QRFP: variants seen among roughly 807,000 people sequenced by gnomAD.
The protein encoded by QRFP is orexigenic neuropeptide QRFP.
A neutral mutation model predicts 9.1 loss-of-function variants in QRFP; 7 were observed. The ratio of observed to expected loss-of-function variants is 0.77; its 90% CI spans 0.44 to 1.45. The LOEUF is 1.45. QRFP is among the 40% of genes most tolerant of loss of function. The pLI is 0.01. For missense variants in QRFP, 204 were observed against 185.4 expected (o/e 1.10, Z -0.58); for synonymous variants, 91 against 80.2 (o/e 1.13, Z -0.72).
chr9:130,894,432 A>G (rs962608325), intron 2 of QRFP, among the ~76,000 whole-genome samples: 3 of 152,162 alleles, frequency 2.0e-5, no homozygotes, highest in African/African-American at 7.2e-5. Flanking sequence ...CTCTGAGCCA[A>G]GAGCTCACAC....
intron 1 of QRFP, among the ~76,000 whole-genome samples, chr9:130,896,258 C>T (rs1325964988): frequency 6.6e-6 from 1 of 152,240 alleles, no homozygotes; most frequent in Non-Finnish European, 1.5e-5. Context: ...AGGTGCACCT[C>T]CCCGGCAGGT....
At position 130,893,839 on chromosome 9, in the gene QRFP, C is replaced by G. The variant is rs1831722819; in HGVS notation, c.1-1G>C. 6.6e-7 allele frequency: 1 copy of G among 1,510,350 alleles called. No individual in the cohort carries two copies. The highest frequency in any genetic ancestry group is 1.4e-5 in the African/African-American group (1 of 71,594). 93.6% of individuals were successfully genotyped at this position (1,510,350 alleles called of 1,614,324 possible). A position where few individuals can be genotyped will look rare whatever the true frequency, so the allele number is the denominator to read the frequency against. The stretch of plus-strand genomic sequence containing the variant: ...AGATCAGGGGGTAAGGCCTTACCAT[C>G]TGACCCAGAGGAAAGAGAGGCAGAG... On this transcript the variant is annotated splice_acceptor_variant, in intron 2 of 2. Transcript: ENST00000623824. LOFTEE classifies it low-confidence loss of function (5UTR_SPLICE).
rs1462966235 is a variant in QRFP at position 130,893,287 on chromosome 9, A to AC, written c.*140dup. On this transcript the variant is annotated 3_prime_UTR_variant, in exon 3 of 3. Coordinates refer to ENST00000623824, the MANE Select transcript of QRFP (RefSeq NM_198180.3). The stretch of plus-strand genomic sequence containing the variant: ...GAAATCAAAAGTAAGCACACACCTA[A>AC]CCTGTCCTACCATGGATCGTTCATC... 1.1e-6 allele frequency: 1 copy of AC among 932,370 alleles called. No homozygotes were observed. Among genetic ancestry groups the AC allele is most frequent in the Non-Finnish European group, 1.6e-6 (1 of 630,834 alleles). The allele number at this position is 932,370 out of a possible 1,614,324, so 57.8% of individuals were successfully genotyped here.
At chr9:130,894,277 A>T (rs1831728190) in intron 2 of QRFP, among the ~76,000 whole-genome samples, 2 of 152,208 alleles carry the variant, frequency 1.3e-5, no homozygotes, top group African/African-American at 4.8e-5. Flanking sequence ...TTTAGCTGGG[A>T]CATCCTGCTA....
rs780929389 is a variant in QRFP at position 130,893,666 on chromosome 9, C to T, written c.173G>A (p.Trp58Ter). The stretch of plus-strand genomic sequence containing the variant: ...GGCCTGTGGCTGTGAAGCTCTCAGC[C>T]ACCGAGAGGAACCCCACACGGAGTG... ...RPHSVWGSSR[W>*]LRASQPQALL... The change falls in exon 3 of 3, where the codon TGG (tryptophan) becomes TAG (stop). Residue 58 changes from tryptophan to a stop codon, truncating the protein, a stop_gained. Coordinates refer to ENST00000623824, the MANE Select transcript of QRFP (RefSeq NM_198180.3). LOFTEE classifies it high-confidence loss of function. 2.5e-6 allele frequency: 4 copies of T among 1,602,328 alleles called. No individual in the cohort carries two copies. In the Admixed American group the frequency reaches 5.1e-5, roughly 21 times the overall value.
At chr9:130,894,343 G>A (rs1831728999) in intron 2 of QRFP, among the ~76,000 whole-genome samples, 1 of 152,148 alleles carries the variant, frequency 6.6e-6, no homozygotes, top group South Asian at 2.1e-4. Flanking sequence ...AGATTGGATG[G>A]TCCTGGCCTA....
At position 130,893,507 on chromosome 9, in the gene QRFP, G is replaced by C. The variant is rs113564344; in HGVS notation, c.332C>G (p.Pro111Arg). The C allele has an allele frequency of 7.4e-6, 12 of 1,611,264 alleles. No homozygotes were observed. The East Asian group carries it at 1.8e-4, about 24-fold the overall frequency. Reference sequence around the variant, plus strand: ...GAGCTCCTCAGCCAGGTTCCCTAACGGGCCGCTGGTCTTCTCCCCCGCAGC... The same window carrying C: ...GAGCTCCTCAGCCAGGTTCCCTAACCGGCCGCTGGTCTTCTCCCCCGCAGC... ...LPAAGEKTSG[P>R]LGNLAEELNG... The change falls in exon 3 of 3, where the codon CCG becomes CGG. Residue 111 changes from proline (P) to arginine (R), a missense_variant. Physicochemically the swap from Pro to Arg is moderately radical, Grantham distance 103. Transcript: ENST00000623824.
rs1196792398 is a variant in QRFP at position 130,893,572 on chromosome 9, C to T, written c.267G>A (p.Gly89=). 1.4e-5 allele frequency: 22 copies of T among 1,612,730 alleles called. No homozygotes were observed. The highest frequency in any genetic ancestry group is 1.9e-5 in the Non-Finnish European group (22 of 1,179,812). ...REHAGCRFRF[G]RQDEGSEATG... is the part of the protein sequence containing the mutation. ...TGGCCTCACTGCCTTCGTCCTGCCT[C>T]CCGAAGCGGAATCTGCAGCCAGCAT... The change falls in exon 3 of 3, where the codon GGG becomes GGA. Residue 89 remains glycine (G), a synonymous_variant. Coordinates refer to ENST00000623824, the MANE Select transcript of QRFP (RefSeq NM_198180.3).
In QRFP at chr9:130,893,302, G is replaced by T; in HGVS notation, c.*126C>A. 2 of 1,072,550 alleles carry T rather than the reference G, an allele frequency of 1.9e-6. No individual in the cohort carries two copies. Among genetic ancestry groups the T allele is most frequent in the Non-Finnish European group, 2.7e-6 (2 of 742,322 alleles). The allele number at this position is 1,072,550 out of a possible 1,614,324, so 66.4% of individuals were successfully genotyped here. A position where few individuals can be genotyped will look rare whatever the true frequency, so the allele number is the denominator to read the frequency against. On this transcript the variant is annotated 3_prime_UTR_variant, in exon 3 of 3. Coordinates refer to ENST00000623824, the MANE Select transcript of QRFP (RefSeq NM_198180.3). ...CACACACCTAACCTGTCCTACCATG[G>T]ATCGTTCATCGTAACCAAGCCTACA...
chr9:130,893,339 T>C lies in QRFP; in HGVS notation c.*89A>G. The C allele has an allele frequency of 7.6e-7, 1 of 1,320,168 alleles. No individual in the cohort carries two copies. Among genetic ancestry groups the C allele is most frequent in the African/African-American group, 1.5e-5 (1 of 67,954 alleles). The allele number at this position is 1,320,168 out of a possible 1,614,324, so 81.8% of individuals were successfully genotyped here. ...TAACCAAGCCTACATCATCTGGGTG[T>C]CGTGGTCTTTGAGACTGGGGGAGAA... On this transcript the variant is annotated 3_prime_UTR_variant, in exon 3 of 3. Coordinates refer to ENST00000623824, the MANE Select transcript of QRFP (RefSeq NM_198180.3).
rs1588287145 is a variant in QRFP at position 130,893,114 on chromosome 9, T to C, written c.*314A>G. The C allele has an allele frequency of 3.7e-6, 1 of 269,176 alleles. No homozygotes were observed. The highest frequency in any genetic ancestry group is 7.0e-6 in the Non-Finnish European group (1 of 143,780). The allele number at this position is 269,176 out of a possible 1,614,324, so 16.7% of individuals were successfully genotyped here. ...TGCCTCGCTCTGCTATTCACACTCA[T>C]GGCCCAGCCACAGCCTCAGCTCCGT... On this transcript the variant is annotated 3_prime_UTR_variant, in exon 3 of 3. Transcript: ENST00000623824.
At position 130,893,525 on chromosome 9, in the gene QRFP, C is replaced by A. The variant is rs780463940; in HGVS notation, c.314G>T (p.Gly105Val). Residue 105 changes from glycine (G) to valine (V), a missense_variant, in exon 3 of 3, where the codon GGG (glycine) becomes GTG (valine). Coordinates refer to ENST00000623824, the MANE Select transcript of QRFP (RefSeq NM_198180.3). ...CCCTAACGGGCCGCTGGTCTTCTCCCCCGCAGCAGGGAGGAAGCCGGTGGC... is the reference window on the plus strand; with the variant it reads ...CCCTAACGGGCCGCTGGTCTTCTCCACCGCAGCAGGGAGGAAGCCGGTGGC... ...SEATGFLPAA[G>V]EKTSGPLGNL... 6.2e-7 allele frequency: 1 copy of A among 1,612,432 alleles called. No individual in the cohort carries two copies. Among genetic ancestry groups the A allele is most frequent in the African/African-American group, 1.3e-5 (1 of 74,934 alleles).
At chr9:130,894,769 C>A (rs985126022) in intron 2 of QRFP, among the ~76,000 whole-genome samples, 1 of 152,098 alleles carries the variant, frequency 6.6e-6, no homozygotes, top group African/African-American at 2.4e-5. Flanking sequence ...GAAGGCGTGC[C>A]CTAACTCCCT....
rs1831716395 is a variant in QRFP at position 130,893,569 on chromosome 9, C to T, written c.270G>A (p.Arg90=). 6.2e-7 allele frequency: 1 copy of T among 1,612,834 alleles called. No homozygotes were observed. Among genetic ancestry groups the T allele is most frequent in the Non-Finnish European group, 8.5e-7 (1 of 1,179,784 alleles). ...EHAGCRFRFG[R]QDEGSEATGF... ...CGGTGGCCTCACTGCCTTCGTCCTG[C>T]CTCCCGAAGCGGAATCTGCAGCCAG... The change falls in exon 3 of 3, where the codon AGG becomes AGA. Residue 90 remains arginine (R), a synonymous_variant. Coordinates refer to ENST00000623824, the MANE Select transcript of QRFP (RefSeq NM_198180.3).
chr9:130,894,257 A>G lies in QRFP; in HGVS notation c.1-419T>C, dbSNP rs117920426. Among the ~76,000 whole-genome samples, 55 of 152,338 alleles carry G rather than the reference A, an allele frequency of 3.6e-4. No homozygotes were observed. In the East Asian group the frequency reaches 0.01, roughly 29 times the overall value. ...GTTCAACTGGATAATAAATGGGTCT[A>G]GCTATGCTGTTTAGCTGGGACATCC... is the stretch of plus-strand genomic sequence containing the variant. On this transcript the variant is annotated intron_variant, in intron 2 of 2. Transcript: ENST00000623824.
Position 130,893,320 on chromosome 9 carries a change from A to T in QRFP, c.*108T>A. 1 of 1,207,244 alleles carries T rather than the reference A, an allele frequency of 8.3e-7. No individual in the cohort carries two copies. Among genetic ancestry groups the T allele is most frequent in the Non-Finnish European group, 1.2e-6 (1 of 859,356 alleles). 74.8% of individuals were successfully genotyped at this position (1,207,244 alleles called of 1,614,324 possible). ...TACCATGGATCGTTCATCGTAACCA[A>T]GCCTACATCATCTGGGTGTCGTGGT... On this transcript the variant is annotated 3_prime_UTR_variant, in exon 3 of 3. Transcript: ENST00000623824.
In QRFP at chr9:130,893,217, A is replaced by T. The variant is rs1264039112; in HGVS notation, c.*211T>A. On this transcript the variant is annotated 3_prime_UTR_variant, in exon 3 of 3. Transcript: ENST00000623824. ...GCTGGGACGACCGAGGCTCCAAGAC[A>T]GCCTCCTTTTTGACACTGCCTAGTT... 4.3e-6 allele frequency: 2 copies of T among 469,836 alleles called. No individual in the cohort carries two copies. Among genetic ancestry groups the T allele is most frequent in the African/African-American group, 2.0e-5 (1 of 49,708 alleles). The allele number at this position is 469,836 out of a possible 1,614,324, so 29.1% of individuals were successfully genotyped here.
chr9:130,895,083 A>G (rs1831738497), intron 2 of QRFP, among the ~76,000 whole-genome samples: 2 of 151,978 alleles, frequency 1.3e-5, no homozygotes, highest in African/African-American at 4.8e-5. Flanking sequence ...CCCACTTTCT[A>G]CCCAAATCCA....
At chr9:130,893,939 G>A in intron 2 of QRFP, 101 bp from the exon 3 acceptor site, 4 of 1,179,146 alleles carry the variant, frequency 3.4e-6, no homozygotes, top group Non-Finnish European at 4.6e-6. Context: ...GTAGATGTGA[G>A]CAGGGGGCTC....
Sources: allele counts gnomAD v4.1 joint callset (sites outside exome capture counted in the v4.1 genomes callset), GRCh38; gene constraint gnomAD v4.1.1; transcripts MANE v1.5; gene names NCBI Gene and HGNC (gene_info 2026-07-23, HGNC 2026-07-21).